PCDHGA10: variants seen among roughly 807,000 people sequenced by gnomAD.
The protein encoded by PCDHGA10 is protocadherin gamma-A10.
Under a neutral mutation model 59.5 loss-of-function variants are expected in PCDHGA10, and 42 were observed. The ratio of observed to expected loss-of-function variants is 0.71; its 90% confidence interval spans 0.55 to 0.91. The LOEUF (loss-of-function observed/expected upper bound fraction) is 0.91, where lower values mean the gene tolerates loss of function less well. Ranked by LOEUF, PCDHGA10 falls within the 40% of genes least tolerant of loss-of-function variation. The pLI is 0.00. For synonymous variants in PCDHGA10, 511 were observed against 517.2 expected (o/e 0.99, Z 0.16); for missense variants, 1,111 against 1,198.2 (o/e 0.93, Z 1.07).
chr5:141,452,830 T>A (rs2098749929), intron 1 of PCDHGA10, among the ~76,000 whole-genome samples: 1 of 152,166 alleles, frequency 6.6e-6, no homozygotes, highest in South Asian at 2.1e-4. Context: ...CAAAATCACT[T>A]GGTCCAGCCC....
Position 141,491,964 on chromosome 5 carries a change from C to A in PCDHGA10, c.2437-2843C>A. On this transcript the variant is annotated intron_variant, in intron 1 of 3. Transcript: ENST00000398610. The surrounding 1 kb of genome is among the most constrained non-coding windows in gnomAD (Gnocchi z 6.9). ...CCCCACCCCTACACTCAAAAAAGGC[C>A]GGGGCCTCCTTCGAGCTTCCGGTGA... The A allele has an allele frequency of 1.1e-6, 1 of 943,952 alleles. No homozygotes were observed. The highest frequency in any genetic ancestry group is 1.5e-6 in the Non-Finnish European group (1 of 671,094). 58.5% of individuals were successfully genotyped at this position (943,952 alleles called of 1,614,324 possible). A position where few individuals can be genotyped will look rare whatever the true frequency, so the allele number is the denominator to read the frequency against.
At chr5:141,443,759 A>G (rs1055796439) in intron 1 of PCDHGA10, among the ~76,000 whole-genome samples, 2 of 152,228 alleles carry the variant, frequency 1.3e-5, no homozygotes, top group African/African-American at 2.4e-5. Flanking sequence ...GAAGCTTACA[A>G]TATACAATAT....
In PCDHGA10 at chr5:141,432,143, C is replaced by G; in HGVS notation, c.2436+16532C>G. 2 of 1,614,084 alleles carry G rather than the reference C, an allele frequency of 1.2e-6. No homozygotes were observed. Among genetic ancestry groups the G allele is most frequent in the Non-Finnish European group, 1.7e-6 (2 of 1,180,006 alleles). Reference sequence around the variant, plus strand: ...TCAGGCCTCCTATTCCGCTTATATCCCAGAGAACAATCCCAGAGGAGTTTC... The same window carrying G: ...TCAGGCCTCCTATTCCGCTTATATCGCAGAGAACAATCCCAGAGGAGTTTC... On this transcript the variant is annotated intron_variant, in intron 1 of 3. Coordinates refer to ENST00000398610, the MANE Select transcript of PCDHGA10 (RefSeq NM_018913.3). This position sits in a 1 kb window ranked among gnomAD's most constrained non-coding sequence, Gnocchi z 6.0.
intron 1 of PCDHGA10, among the ~76,000 whole-genome samples, chr5:141,474,586 A>G (rs149003643): frequency 6.6e-6 from 1 of 152,222 alleles, no homozygotes; most frequent in Non-Finnish European, 1.5e-5. Flanking sequence ...AGTGTTAAAG[A>G]CATGGAAATA....
intron 1 of PCDHGA10, among the ~76,000 whole-genome samples, chr5:141,459,221 G>A (rs1028895845): frequency 9.2e-5 from 14 of 152,154 alleles, no homozygotes; most frequent in African/African-American, 3.1e-4. Flanking sequence ...TCCAGCTCCA[G>A]GCAACAACTG....
Position 141,486,585 on chromosome 5 carries a change from G to A in PCDHGA10, c.2437-8222G>A. The A allele has an allele frequency of 6.2e-7, 1 of 1,613,708 alleles. No individual in the cohort carries two copies. The highest frequency in any genetic ancestry group is 1.1e-5 in the South Asian group (1 of 91,080). ...TTTGTTCCTGAGAACAATCGCCCAG[G>A]GGACCTGCTTTGCTCCCTTGCAGCC... On this transcript the variant is annotated intron_variant, in intron 1 of 3. Transcript: ENST00000398610. The surrounding 1 kb of genome is among the most constrained non-coding windows in gnomAD (Gnocchi z 5.0).
chr5:141,507,901 G>T (rs1332204823), intron 3 of PCDHGA10, among the ~76,000 whole-genome samples: 1 of 152,216 alleles, frequency 6.6e-6, no homozygotes, highest in Non-Finnish European at 1.5e-5. Flanking sequence ...CTGAAGTCCA[G>T]CCCAGCCAGG....
intron 1 of PCDHGA10, chr5:141,430,664 C>G (rs2154553866): frequency 8.3e-7 from 1 of 1,209,890 alleles, no homozygotes; most frequent in East Asian, 2.6e-5. Context: ...CGGAGGAGCT[C>G]TGACTTCCCA....
intron 1 of PCDHGA10, chr5:141,419,367 C>T (rs1157934416): frequency 6.2e-7 from 1 of 1,613,652 alleles, no homozygotes; most frequent in Admixed American, 1.7e-5. Context: ...ACGCTGTCGT[C>T]CTACGTGTCC....
intron 3 of PCDHGA10, 72 bp from the exon 4 acceptor site, chr5:141,510,875 C>T: frequency 6.2e-7 from 1 of 1,610,120 alleles, no homozygotes; most frequent in Admixed American, 1.7e-5. Context: ...TCATTAACTG[C>T]TGGGGATATA....
At chr5:141,500,012 A>G (rs2099795840) in intron 2 of PCDHGA10, among the ~76,000 whole-genome samples, 1 of 151,622 alleles carries the variant, frequency 6.6e-6, no homozygotes, top group Non-Finnish European at 1.5e-5. Flanking sequence ...TAAGGTCCAC[A>G]TTTTATATTT....
At position 141,476,124 on chromosome 5, in the gene PCDHGA10, C is replaced by T. The variant is rs1187643558; in HGVS notation, c.2437-18683C>T. 4 of 1,603,236 alleles carry T rather than the reference C, an allele frequency of 2.5e-6. No homozygotes were observed. Among genetic ancestry groups the T allele is most frequent in the Non-Finnish European group, 3.4e-6 (4 of 1,176,388 alleles). ...GAACTGCTTTTGAGTGAGATGGTCCCAGAGGCCTGGAGGAGCGGACTGGTA... is the reference window on the plus strand; with the variant it reads ...GAACTGCTTTTGAGTGAGATGGTCCTAGAGGCCTGGAGGAGCGGACTGGTA... On this transcript the variant is annotated intron_variant, in intron 1 of 3. Transcript: ENST00000398610. This position sits in a 1 kb window ranked among gnomAD's most constrained non-coding sequence, Gnocchi z 7.6.
rs1417754081 is a variant in PCDHGA10, at chr5:141,512,046, T to C, written c.*873T>C. 1 of 152,746 alleles carries C rather than the reference T, an allele frequency of 6.5e-6. No individual in the cohort carries two copies. Among genetic ancestry groups the C allele is most frequent in the East Asian group, 1.9e-4 (1 of 5,190 alleles). 9.5% of individuals were successfully genotyped at this position (152,746 alleles called of 1,614,324 possible). Reference sequence around the variant, plus strand: ...GCCTTGGAGGAGGCTCTGTATGTCCTCAGGGGACTGACAACATCCTCCAGA... The same window carrying C: ...GCCTTGGAGGAGGCTCTGTATGTCCCCAGGGGACTGACAACATCCTCCAGA... On this transcript the variant is annotated 3_prime_UTR_variant, in exon 4 of 4. Transcript: ENST00000398610.
At chr5:141,426,445 A>T (rs2096937062) in intron 1 of PCDHGA10, 1 of 310,256 alleles carries the variant, frequency 3.2e-6, no homozygotes, top group East Asian at 8.0e-5. Context: ...TGCGGAGGAC[A>T]TGCGGCTGCA....
At chr5:141,470,589 G>A (rs1593264687) in intron 1 of PCDHGA10, among the ~76,000 whole-genome samples, 1 of 152,300 alleles carries the variant, frequency 6.6e-6, no homozygotes, top group East Asian at 1.9e-4. Flanking sequence ...TCATAGGCAG[G>A]CGACCTGTGC....
In PCDHGA10 at chr5:141,490,294, T is replaced by C. The variant is rs766906839; in HGVS notation, c.2437-4513T>C. ...CAATGACAATGCCCCAGAGGTGCTA[T>C]TGGCCTCTTTGGCCAACCCTGTCCT... On this transcript the variant is annotated intron_variant, in intron 1 of 3. Transcript: ENST00000398610. This position sits in a 1 kb window ranked among gnomAD's most constrained non-coding sequence, Gnocchi z 5.4. The C allele has an allele frequency of 5.6e-6, 9 of 1,614,104 alleles. No individual in the cohort carries two copies. The East Asian group carries it at 1.3e-4, about 24-fold the overall frequency.
At chr5:141,470,585 G>A (rs2099233788) in intron 1 of PCDHGA10, among the ~76,000 whole-genome samples, 1 of 152,188 alleles carries the variant, frequency 6.6e-6, no homozygotes, top group African/African-American at 2.4e-5. Flanking sequence ...AACTTCATAG[G>A]CAGGCGACCT....
intron 1 of PCDHGA10, among the ~76,000 whole-genome samples, chr5:141,424,973 G>A (rs2096851520): frequency 6.6e-6 from 1 of 152,108 alleles, no homozygotes; most frequent in African/African-American, 2.4e-5. Flanking sequence ...AAATTACTTG[G>A]ATATTTATGT....
At chr5:141,419,464 C>T (rs199965876) in intron 1 of PCDHGA10, 35 of 1,612,542 alleles carry the variant, frequency 2.2e-5, no homozygotes, top group Middle Eastern at 1.7e-4. Context: ...TGCAGGCCCG[C>T]GACCAGGGCT....
Sources: allele counts gnomAD v4.1 joint callset (sites outside exome capture counted in the v4.1 genomes callset), GRCh38; gene constraint gnomAD v4.1.1; non-coding constraint Gnocchi (gnomAD v3.1); transcripts MANE v1.5; gene names NCBI Gene and HGNC (gene_info 2026-07-23, HGNC 2026-07-21).